PCDH11Y: variants seen among roughly 807,000 people sequenced by gnomAD.
PCDH11Y encodes the protein protocadherin 11 Y-linked.
For missense variants in PCDH11Y, 12 were observed against 224.8 expected, an observed-to-expected ratio of 0.05 and a Z score of 6.05; for synonymous variants, 9 against 83.6, an observed-to-expected ratio of 0.11 and a Z score of 4.87.
intron 4 of PCDH11Y, among the ~76,000 whole-genome samples, chrY:5,626,259 T>C: frequency 3.1e-5 from 1 of 32,622 alleles, no homozygotes; most frequent in African/African-American, 1.2e-4. Context: ...GCCCCCTTTT[T>C]CATTTCTGAC....
intron 2 of PCDH11Y, among the ~76,000 whole-genome samples, chrY:5,428,137 G>T: frequency 3.1e-5 from 1 of 32,751 alleles, no homozygotes; most frequent in Non-Finnish European, 7.5e-5. Flanking sequence ...AGGCCTGGAA[G>T]TTGCTCTGGG....
intron 2 of PCDH11Y, among the ~76,000 whole-genome samples, chrY:5,112,585 T>G: frequency 3.0e-5 from 1 of 33,561 alleles, no homozygotes; most frequent in Non-Finnish European, 7.4e-5. Flanking sequence ...TTAATTTATG[T>G]CTTCATCAAA....
chrY:5,722,555 G>A, intron 4 of PCDH11Y, among the ~76,000 whole-genome samples: 2 of 31,184 alleles, frequency 6.4e-5, no homozygotes, highest in African/African-American at 2.5e-4. Flanking sequence ...GATCCACATG[G>A]ACACATTTCA....
chrY:5,522,614 A>G, intron 3 of PCDH11Y, among the ~76,000 whole-genome samples: 1 of 34,272 alleles, frequency 2.9e-5, no homozygotes. Context: ...TCACATAGAC[A>G]TAATCATACC....
intron 2 of PCDH11Y, among the ~76,000 whole-genome samples, chrY:5,451,876 G>A: frequency 3.1e-5 from 1 of 32,684 alleles, no homozygotes; most frequent in Admixed American, 2.8e-4. Flanking sequence ...CATCTTCAGG[G>A]TTTTCTAAAG....
At chrY:5,679,154 C>T in intron 4 of PCDH11Y, among the ~76,000 whole-genome samples, 1 of 32,872 alleles carries the variant, frequency 3.0e-5, no homozygotes, top group Admixed American at 2.8e-4. Context: ...TAGGCAGACA[C>T]CAGCTGGGGC....
chrY:5,055,139 TGTAAA>T (rs2052658863), upstream of PCDH11Y, among the ~76,000 whole-genome samples: 1 of 33,706 alleles, frequency 3.0e-5, no homozygotes, highest in Non-Finnish European at 7.4e-5. Context: ...GATTATTGAT[TGTAAA>T]TAGAAAGATT....
chrY:5,165,920 A>AC (rs2052878923), intron 2 of PCDH11Y, among the ~76,000 whole-genome samples: 6 of 32,559 alleles, frequency 1.8e-4, no homozygotes, highest in Admixed American at 5.6e-4. Flanking sequence ...AATATTTTGA[A>AC]CAACCTTATG....
chrY:5,638,234 T>A, intron 4 of PCDH11Y, among the ~76,000 whole-genome samples: 1 of 29,803 alleles, frequency 3.4e-5, no homozygotes, highest in Admixed American at 3.2e-4. Flanking sequence ...TGGAAAAAAA[T>A]TTTTTAAGTT....
At chrY:5,305,824 A>G (rs2563037) in intron 2 of PCDH11Y, among the ~76,000 whole-genome samples, 48 of 32,327 alleles carry the variant, frequency 1.5e-3, no homozygotes, top group African/African-American at 5.8e-3. Flanking sequence ...GTAAGATACT[A>G]AAGAGTCCCC....
At chrY:5,135,050 A>C (rs1602873609) in intron 2 of PCDH11Y, among the ~76,000 whole-genome samples, 7 of 33,651 alleles carry the variant, frequency 2.1e-4, no homozygotes, top group African/African-American at 7.0e-4. Context: ...CTTACCTAGA[A>C]ATGAAATGGA....
intron 4 of PCDH11Y, among the ~76,000 whole-genome samples, chrY:5,647,642 G>C (rs2053528340): frequency 3.0e-5 from 1 of 33,427 alleles, no homozygotes; most frequent in South Asian, 6.6e-4. Flanking sequence ...GAGTAGCTGG[G>C]ATTATAGGCA....
At chrY:5,183,679 C>T (rs2052903593) in intron 2 of PCDH11Y, among the ~76,000 whole-genome samples, 1 of 30,734 alleles carries the variant, frequency 3.3e-5, no homozygotes, top group Admixed American at 3.1e-4. Context: ...TCCTAGCTAT[C>T]GGTAGTGTCA....
chrY:5,233,857 T>C, intron 2 of PCDH11Y, among the ~76,000 whole-genome samples: 1 of 33,260 alleles, frequency 3.0e-5, no homozygotes, highest in Non-Finnish European at 7.4e-5. Flanking sequence ...CAAGAGCATA[T>C]TTTTATGTTT....
At chrY:5,451,023 T>C (rs2053292674) in intron 2 of PCDH11Y, among the ~76,000 whole-genome samples, 43 of 32,628 alleles carry the variant, frequency 1.3e-3, no homozygotes, top group South Asian at 8.4e-3. Context: ...TTCAGTTCCT[T>C]ACAGCGCTGT....
intron 3 of PCDH11Y, among the ~76,000 whole-genome samples, chrY:5,038,577 T>A: frequency 3.1e-5 from 1 of 32,179 alleles, no homozygotes; most frequent in Non-Finnish European, 7.6e-5. Context: ...TATATAGATA[T>A]CACATAGGTT....
At chrY:5,073,130 C>CCAG (rs2052702551) in intron 1 of PCDH11Y, among the ~76,000 whole-genome samples, 4 of 33,439 alleles carry the variant, frequency 1.2e-4, no homozygotes, top group African/African-American at 4.7e-4. Context: ...TTCTCCAGTT[C>CCAG]TGTAGTCAGG....
intron 2 of PCDH11Y, among the ~76,000 whole-genome samples, chrY:5,402,414 G>T (rs2124677170): frequency 3.1e-5 from 1 of 32,618 alleles, no homozygotes; most frequent in South Asian, 6.7e-4. Flanking sequence ...CCATGCTACT[G>T]CATTTAATGT....
At chrY:5,406,510 G>GA (rs2053238933) in intron 2 of PCDH11Y, among the ~76,000 whole-genome samples, 3 of 31,776 alleles carry the variant, frequency 9.4e-5, no homozygotes, top group Non-Finnish European at 2.3e-4. Context: ...GTCTGCTGCA[G>GA]AAAAAAAAAT....
Sources: allele counts gnomAD v4.1 joint callset (sites outside exome capture counted in the v4.1 genomes callset), GRCh38; gene constraint gnomAD v4.1.1; transcripts MANE v1.5; gene names NCBI Gene and HGNC (gene_info 2026-07-23, HGNC 2026-07-21).